The following ZNF804A variants were observed in gnomAD, a reference collection of about 807,000 sequenced individuals.
The protein encoded by ZNF804A is zinc finger protein 804A.
Under a neutral mutation model 16.5 loss-of-function variants are expected in ZNF804A, and 2 were observed. That is an observed-to-expected ratio of 0.12 (90% CI 0.05 to 0.38). The LOEUF (loss-of-function observed/expected upper bound fraction) is 0.38. ZNF804A is among the 10% of genes least tolerant of loss of function. The pLI, the probability that ZNF804A is intolerant of heterozygous loss-of-function variation, is 0.99. For missense variants in ZNF804A, 1,473 were observed against 1,390.7 expected (o/e 1.06, Z -0.94); for synonymous variants, 534 against 489.6 (o/e 1.09, Z -1.20).
chr2:184,832,967 A>T (rs1434792658), intron 1 of ZNF804A, among the ~76,000 whole-genome samples: 4 of 151,938 alleles, frequency 2.6e-5, no homozygotes. Flanking sequence ...TAACCCCAAA[A>T]TTTTATTGGA....
At chr2:184,752,009 G>A (rs1454019666) in intron 1 of ZNF804A, among the ~76,000 whole-genome samples, 1 of 151,608 alleles carries the variant, frequency 6.6e-6, no homozygotes, top group Non-Finnish European at 1.5e-5. Context: ...CAGAGAAAAG[G>A]GAATGCTCAT....
chr2:184,647,531 CATT>C (rs1389545204), intron 1 of ZNF804A, among the ~76,000 whole-genome samples: 2 of 152,020 alleles, frequency 1.3e-5, no homozygotes, highest in South Asian at 2.1e-4. Flanking sequence ...AAGAGATAAA[CATT>C]ATAAAAATAA....
chr2:184,899,434 A>G (rs1685141385), intron 2 of ZNF804A, among the ~76,000 whole-genome samples: 1 of 151,998 alleles, frequency 6.6e-6, no homozygotes, highest in Admixed American at 6.6e-5. Flanking sequence ...TTGTGAATGA[A>G]TTAGTCACAC....
At chr2:184,803,264 C>A (rs1459441723) in intron 1 of ZNF804A, among the ~76,000 whole-genome samples, 2 of 152,090 alleles carry the variant, frequency 1.3e-5, no homozygotes, top group East Asian at 3.9e-4. Flanking sequence ...TCATCTCTTT[C>A]AAGTCATATT....
At chr2:184,800,280 C>G (rs1235867581) in intron 1 of ZNF804A, among the ~76,000 whole-genome samples, 1 of 151,770 alleles carries the variant, frequency 6.6e-6, no homozygotes, top group African/African-American at 2.4e-5. Flanking sequence ...GTAAGTCTTG[C>G]TGAAATTCTC....
intron 1 of ZNF804A, among the ~76,000 whole-genome samples, chr2:184,784,162 T>C (rs1336244247): frequency 6.6e-6 from 1 of 151,900 alleles, no homozygotes; most frequent in Non-Finnish European, 1.5e-5. Context: ...TGGGGCTCAA[T>C]ACAACTTTGG....
At chr2:184,901,608 A>C (rs896516655) in intron 2 of ZNF804A, among the ~76,000 whole-genome samples, 3 of 152,150 alleles carry the variant, frequency 2.0e-5, no homozygotes. Context: ...CATTCTTGGT[A>C]ATAATCCCTA....
chr2:184,817,078 GA>G (rs1694994268), intron 1 of ZNF804A, among the ~76,000 whole-genome samples: 1 of 151,962 alleles, frequency 6.6e-6, no homozygotes, highest in South Asian at 2.1e-4. Flanking sequence ...AGGAAAGCAA[GA>G]AGACCAGTAA....
In ZNF804A at chr2:184,707,359, T is replaced by TGATGC. The variant is rs1693047046; in HGVS notation, c.111+108290_111+108294dup. On this transcript the variant is annotated intron_variant, in intron 1 of 3. Coordinates refer to ENST00000302277, the MANE Select transcript of ZNF804A (RefSeq NM_194250.2). ...AGATTTGTTACATGACTATATTGTGTGATGCTGAGGTTTGGGATACAGATG... is the reference window on the plus strand; with the variant it reads ...AGATTTGTTACATGACTATATTGTGTGATGCGATGCTGAGGTTTGGGATACAGATG... Among the ~76,000 whole-genome samples the TGATGC allele has an allele frequency of 2.0e-5, 3 of 152,236 alleles. No homozygotes were observed. In the South Asian group the frequency reaches 6.2e-4, roughly 31 times the overall value.
At chr2:184,735,326 G>A (rs1693589808) in intron 1 of ZNF804A, among the ~76,000 whole-genome samples, 1 of 152,028 alleles carries the variant, frequency 6.6e-6, no homozygotes, top group Non-Finnish European at 1.5e-5. Context: ...ATCATTCTCA[G>A]CAAACTAACA....
At chr2:184,924,009 TTGTGTG>T (rs3046265) in intron 2 of ZNF804A, among the ~76,000 whole-genome samples, 1 of 149,488 alleles carries the variant, frequency 6.7e-6, no homozygotes, top group African/African-American at 2.5e-5. Flanking sequence ...TAGTTTTGTT[TTGTGTG>T]TGTGTGTGTG....
chr2:184,816,834 G>T (rs1414551164), intron 1 of ZNF804A, among the ~76,000 whole-genome samples: 1 of 151,926 alleles, frequency 6.6e-6, no homozygotes, highest in African/African-American at 2.4e-5. Flanking sequence ...TGCTTGAAAT[G>T]ATTTCCATAG....
rs796223718 is a variant in ZNF804A at position 184,691,613 on chromosome 2, A to G, written c.111+92543A>G. Among the ~76,000 whole-genome samples the G allele has an allele frequency of 2.0e-5, 3 of 151,932 alleles. No homozygotes were observed. In the East Asian group the frequency reaches 5.8e-4, roughly 29 times the overall value. On this transcript the variant is annotated intron_variant, in intron 1 of 3. Coordinates refer to ENST00000302277, the MANE Select transcript of ZNF804A (RefSeq NM_194250.2). ...ATCCAATGTTCCTGAAAATATTAGA[A>G]TATTATTATTTGGATATACTGTTAA...
At chr2:184,874,440 A>G (rs1291246425) in intron 2 of ZNF804A, among the ~76,000 whole-genome samples, 1 of 152,128 alleles carries the variant, frequency 6.6e-6, no homozygotes, top group East Asian at 1.9e-4. Flanking sequence ...TATGATATCA[A>G]ATTTTCTGCA....
chr2:184,604,916 A>C (rs1489569789), intron 1 of ZNF804A, among the ~76,000 whole-genome samples: 2 of 152,124 alleles, frequency 1.3e-5, no homozygotes, highest in African/African-American at 4.8e-5. Flanking sequence ...CAGAGTGATA[A>C]ATTTTTGCAT....
At chr2:184,733,635 A>C (rs1693559033) in intron 1 of ZNF804A, among the ~76,000 whole-genome samples, 1 of 152,168 alleles carries the variant, frequency 6.6e-6, no homozygotes, top group Non-Finnish European at 1.5e-5. Flanking sequence ...TACTTTAGTA[A>C]ACCCATCTGA....
intron 2 of ZNF804A, among the ~76,000 whole-genome samples, chr2:184,892,286 T>C (rs1440828000): frequency 6.6e-6 from 1 of 152,044 alleles, no homozygotes; most frequent in Non-Finnish European, 1.5e-5. Context: ...AATACCAAAC[T>C]TTGTTCAGTA....
At chr2:184,720,304 A>G (rs556805856) in intron 1 of ZNF804A, among the ~76,000 whole-genome samples, 1 of 152,204 alleles carries the variant, frequency 6.6e-6, no homozygotes, top group Non-Finnish European at 1.5e-5. Context: ...CCAACTTGGA[A>G]TATAAGAAAT....
At chr2:184,932,648 C>G (rs1347615102) in intron 2 of ZNF804A, among the ~76,000 whole-genome samples, 1 of 152,120 alleles carries the variant, frequency 6.6e-6, no homozygotes, top group African/African-American at 2.4e-5. Context: ...GAGTCCTACT[C>G]AAGATTCTGA....
Sources: allele counts gnomAD v4.1 joint callset (sites outside exome capture counted in the v4.1 genomes callset), GRCh38; gene constraint gnomAD v4.1.1; transcripts MANE v1.5; gene names NCBI Gene and HGNC (gene_info 2026-07-23, HGNC 2026-07-21).